TECRL: variants seen among roughly 807,000 people sequenced by gnomAD.
The protein encoded by TECRL is trans-2,3-enoyl-CoA reductase-like.
TECRL carries 63 observed loss-of-function variants against 52.8 expected under a neutral mutation model. That is an observed-to-expected ratio of 1.19 (90% CI 0.97 to 1.47). TECRL has a LOEUF of 1.47. Among genes scored for constraint, TECRL ranks in the 40% most tolerant of loss-of-function variants. TECRL has a pLI of 0.00. For missense variants in TECRL, 482 were observed against 429.6 expected, an observed-to-expected ratio of 1.12 and a Z score of -1.08; for synonymous variants, 164 against 141.9, an observed-to-expected ratio of 1.16 and a Z score of -1.10.
intron 1 of TECRL, among the ~76,000 whole-genome samples, chr4:64,378,344 T>A (rs1236283692): frequency 6.6e-6 from 1 of 151,878 alleles, no homozygotes; most frequent in Non-Finnish European, 1.5e-5. Flanking sequence ...GGCAGAAGGA[T>A]CACTTGAGCC....
intron 2 of TECRL, among the ~76,000 whole-genome samples, chr4:64,345,620 C>A (rs1719899394): frequency 2.0e-5 from 3 of 151,166 alleles, no homozygotes; most frequent in African/African-American, 7.3e-5. Context: ...TTAATAGGTG[C>A]AGCACACCAA....
intron 7 of TECRL, among the ~76,000 whole-genome samples, chr4:64,304,250 T>C (rs577168459): frequency 6.6e-5 from 10 of 151,966 alleles, no homozygotes; most frequent in African/African-American, 2.4e-4. Context: ...TCAGAAGATA[T>C]AGGAAATTTT....
intron 11 of TECRL, among the ~76,000 whole-genome samples, chr4:64,280,420 A>G (rs1160908001): frequency 3.3e-5 from 5 of 152,108 alleles, no homozygotes; most frequent in African/African-American, 1.2e-4. Flanking sequence ...ATGAATCTAC[A>G]TATTTTATAT....
Position 64,409,447 on chromosome 4 carries a change from A to G in TECRL, c.-96T>C. The stretch of plus-strand genomic sequence containing the variant: ...TAAATACTGCTGGAGAACCTTTGAA[A>G]GGTCAAATGGTATGCCATTCCAAGA... On this transcript the variant is annotated 5_prime_UTR_variant, in exon 1 of 12. Coordinates refer to ENST00000381210, the MANE Select transcript of TECRL (RefSeq NM_001010874.5). 2 of 1,515,892 alleles carry G rather than the reference A, an allele frequency of 1.3e-6. No homozygotes were observed. Among genetic ancestry groups the G allele is most frequent in the Non-Finnish European group, 1.8e-6 (2 of 1,136,746 alleles). The allele number at this position is 1,515,892 out of a possible 1,614,324, so 93.9% of individuals were successfully genotyped here.
chr4:64,297,074 C>T lies in TECRL; in HGVS notation c.774+2900G>A, dbSNP rs146542529. Among the ~76,000 whole-genome samples, 108 of 151,302 alleles carry T rather than the reference C, an allele frequency of 7.1e-4. 1 individual carries two copies. The highest frequency in any genetic ancestry group is 2.6e-3 in the African/African-American group (106 of 41,404). On this transcript the variant is annotated intron_variant, in intron 8 of 11. Transcript: ENST00000381210. The stretch of plus-strand genomic sequence containing the variant: ...TCACCAAAATGGAAGAATTTTCCAC[C>T]AAATAGGAACCTGATTTTACAACAT...
chr4:64,360,290 A>C (rs944224358), intron 2 of TECRL, among the ~76,000 whole-genome samples: 30 of 152,254 alleles, frequency 2.0e-4, no homozygotes, highest in African/African-American at 7.0e-4. Flanking sequence ...ACTTGAGGCA[A>C]ATGAATCATT....
intron 4 of TECRL, among the ~76,000 whole-genome samples, chr4:64,320,165 C>T (rs2110024840): frequency 6.6e-6 from 1 of 151,858 alleles, no homozygotes; most frequent in South Asian, 2.1e-4. Context: ...GTTATATTTT[C>T]ATATTAATCT....
intron 5 of TECRL, among the ~76,000 whole-genome samples, chr4:64,311,277 G>A (rs1716985172): frequency 1.3e-5 from 2 of 152,164 alleles, no homozygotes; most frequent in South Asian, 2.1e-4. Flanking sequence ...TAACATAAAT[G>A]TATTATGTGG....
chr4:64,315,797 TAC>T (rs969774909), intron 4 of TECRL, among the ~76,000 whole-genome samples: 2 of 152,108 alleles, frequency 1.3e-5, no homozygotes, highest in African/African-American at 4.8e-5. Flanking sequence ...CATACATAAT[TAC>T]ACACAAATAC....
intron 9 of TECRL, among the ~76,000 whole-genome samples, chr4:64,289,054 G>C (rs1723233394): frequency 6.6e-6 from 1 of 152,126 alleles, no homozygotes. Context: ...AGAGTTTGTT[G>C]AATTCTGAAG....
At chr4:64,292,232 G>C (rs971187531) in intron 8 of TECRL, among the ~76,000 whole-genome samples, 1 of 151,940 alleles carries the variant, frequency 6.6e-6, no homozygotes, top group African/African-American at 2.4e-5. Context: ...ATTTCTCCTG[G>C]ATTGATGTTT....
intron 7 of TECRL, among the ~76,000 whole-genome samples, chr4:64,302,964 T>C (rs1193208324): frequency 6.6e-6 from 1 of 151,372 alleles, no homozygotes; most frequent in Non-Finnish European, 1.5e-5. Context: ...TATCACCTCA[T>C]TTTGTTTTTA....
intron 2 of TECRL, among the ~76,000 whole-genome samples, chr4:64,328,828 A>G (rs930075090): frequency 1.3e-5 from 2 of 151,954 alleles, no homozygotes; most frequent in Non-Finnish European, 1.5e-5. Context: ...GGTTTTGGAC[A>G]TGCATCAGGT....
At chr4:64,356,464 G>A (rs1175617709) in intron 2 of TECRL, among the ~76,000 whole-genome samples, 1 of 152,174 alleles carries the variant, frequency 6.6e-6, no homozygotes, top group Non-Finnish European at 1.5e-5. Flanking sequence ...TGTGGTGGGA[G>A]GCAGGACATG....
At position 64,328,556 on chromosome 4, in the gene TECRL, C is replaced by A; in HGVS notation, c.287G>T (p.Cys96Phe). 6.2e-7 allele frequency: 1 copy of A among 1,609,220 alleles called. No individual in the cohort carries two copies. Among genetic ancestry groups the A allele is most frequent in the Non-Finnish European group, 8.5e-7 (1 of 1,177,130 alleles). The part of the protein sequence containing the change: ...HDVKQKFHKA[C>F]PKWYPSRVGL... ...AACTCGAGAAGGGTACCACTTTGGA[C>A]CTATTCAATGAAAAATAACATTTAA... Residue 96 changes from cysteine (C) to phenylalanine (F), a missense_variant and splice_region_variant, in exon 3 of 12, where the codon TGT (cysteine) becomes TTT (phenylalanine). Transcript: ENST00000381210.
At chr4:64,325,090 T>C (rs907402725) in intron 3 of TECRL, among the ~76,000 whole-genome samples, 1 of 152,202 alleles carries the variant, frequency 6.6e-6, no homozygotes, top group Non-Finnish European at 1.5e-5. Context: ...ACTGTGCTAT[T>C]GCTGGCTTGA....
At chr4:64,393,684 T>C (rs1044256867) in intron 1 of TECRL, among the ~76,000 whole-genome samples, 1 of 151,738 alleles carries the variant, frequency 6.6e-6, no homozygotes, top group African/African-American at 2.4e-5. Context: ...TAAATATTAA[T>C]ATAATGAATC....
At chr4:64,368,012 T>A (rs573594093) in intron 2 of TECRL, among the ~76,000 whole-genome samples, 79 of 152,152 alleles carry the variant, frequency 5.2e-4, no homozygotes, top group African/African-American at 1.9e-3. Flanking sequence ...CTGGTAGTGT[T>A]AATCTCAATC....
chr4:64,358,219 A>T (rs190762899), intron 2 of TECRL, among the ~76,000 whole-genome samples: 1 of 152,010 alleles, frequency 6.6e-6, no homozygotes, highest in Admixed American at 6.6e-5. Context: ...ATTTTGCCTC[A>T]TTCTTACAAA....
Sources: allele counts gnomAD v4.1 joint callset (sites outside exome capture counted in the v4.1 genomes callset), GRCh38; gene constraint gnomAD v4.1.1; transcripts MANE v1.5; gene names NCBI Gene and HGNC (gene_info 2026-07-23, HGNC 2026-07-21).